GLIS3: variants seen among roughly 807,000 people sequenced by gnomAD.
GLIS3 encodes GLIS family zinc finger 3.
In GLIS3, 53 loss-of-function variants were observed where a neutral mutation model predicts 78.6. The ratio of observed to expected loss-of-function variants is 0.67; its 90% CI spans 0.54 to 0.85. GLIS3 has a LOEUF of 0.85. Ranked by LOEUF, GLIS3 falls within the 40% of genes least tolerant of loss-of-function variation. The pLI is 0.00. For synonymous variants in GLIS3, 684 were observed against 509.9 expected (o/e 1.34, Z -4.60); for missense variants, 1,703 against 1,231.1 (o/e 1.38, Z -5.74).
chr9:4,264,924 T>C lies in GLIS3; in HGVS notation c.388+21114A>G, dbSNP rs534749742. 2.0e-5 allele frequency among the ~76,000 whole-genome samples: 3 copies of C among 151,750 alleles called. No homozygotes were observed. In the South Asian group the frequency reaches 6.3e-4, roughly 32 times the overall value. On this transcript the variant is annotated intron_variant, in intron 2 of 10. Coordinates refer to ENST00000381971, the MANE Select transcript of GLIS3 (RefSeq NM_001042413.2). Reference sequence around the variant, plus strand: ...GCTCACGCCTGTAATCCCAGCACGGTGGGATGCCCAGGTGGGTGGATCACG... The same window carrying C: ...GCTCACGCCTGTAATCCCAGCACGGCGGGATGCCCAGGTGGGTGGATCACG...
At chr9:4,273,899 G>A (rs892688180) in intron 2 of GLIS3, among the ~76,000 whole-genome samples, 3 of 151,880 alleles carry the variant, frequency 2.0e-5, no homozygotes, top group Non-Finnish European at 2.9e-5. Context: ...GTCCCATTTC[G>A]TACCCTGCCC....
Position 3,824,854 on chromosome 9 carries a change from A to G in GLIS3, c.*3418T>C, listed in dbSNP as rs1817640662. ...ACAGGATACTTTGCTGTCTGTACAA[A>G]ATAAATCTCTTTTTACACTCACTAT... On this transcript the variant is annotated 3_prime_UTR_variant, in exon 11 of 11. Transcript: ENST00000381971. 1 of 152,406 alleles carries G rather than the reference A, an allele frequency of 6.6e-6. No homozygotes were observed. The highest frequency in any genetic ancestry group is 6.6e-5 in the Admixed American group (1 of 15,256). The allele number at this position is 152,406 out of a possible 1,614,324, so 9.4% of individuals were successfully genotyped here. A position where few individuals can be genotyped will look rare whatever the true frequency, so the allele number is the denominator to read the frequency against.
the GLIS3 span, among the ~76,000 whole-genome samples, chr9:4,366,126 G>T: frequency 2.0e-5 from 3 of 152,180 alleles, no homozygotes. Context: ...AGTGAGATAG[G>T]ACAGAGGATA....
intron 4 of GLIS3, among the ~76,000 whole-genome samples, chr9:3,979,883 T>C (rs1461003354): frequency 6.6e-6 from 1 of 152,204 alleles, no homozygotes; most frequent in African/African-American, 2.4e-5. Flanking sequence ...GTCACCACTC[T>C]CATGTGGCAT....
At chr9:3,894,606 C>T (rs78730335) in intron 7 of GLIS3, among the ~76,000 whole-genome samples, 112 of 152,056 alleles carry the variant, frequency 7.4e-4, no homozygotes, top group African/African-American at 2.7e-3. Flanking sequence ...GAAGCCGTCA[C>T]CTCCCAGTAA....
chr9:4,315,899 C>G (rs562781487), intron 2 of GLIS3, among the ~76,000 whole-genome samples: 6 of 152,148 alleles, frequency 3.9e-5, no homozygotes, highest in Admixed American at 3.9e-4. Flanking sequence ...GAGCAGATAT[C>G]TCGTATTACC....
the GLIS3 span, among the ~76,000 whole-genome samples, chr9:4,450,563 A>G: frequency 6.6e-5 from 10 of 152,162 alleles, no homozygotes; most frequent in African/African-American, 2.4e-4. Flanking sequence ...CACCAAGGTT[A>G]AAATGAAGGA....
At chr9:3,864,424 C>G (rs1588113545) in intron 8 of GLIS3, among the ~76,000 whole-genome samples, 1 of 152,170 alleles carries the variant, frequency 6.6e-6, no homozygotes, top group African/African-American at 2.4e-5. Flanking sequence ...AAAAAATGGA[C>G]TATCCAGTAT....
chr9:3,862,184 T>G (rs1304233700), intron 8 of GLIS3, among the ~76,000 whole-genome samples: 1 of 152,150 alleles, frequency 6.6e-6, no homozygotes, highest in African/African-American at 2.4e-5. Flanking sequence ...AATAATTTGC[T>G]TAAAGTCACA....
rs895787053 is a variant in GLIS3, at chr9:4,188,728, G to A, written c.389-62787C>T. Reference sequence around the variant, plus strand: ...CTTCTTCCTGGTTTAGTCATGGGAGGGTGTATGTGTCGAGGAATGTATCCA... The same window carrying A: ...CTTCTTCCTGGTTTAGTCATGGGAGAGTGTATGTGTCGAGGAATGTATCCA... On this transcript the variant is annotated intron_variant, in intron 2 of 10. Transcript: ENST00000381971. Among the ~76,000 whole-genome samples, 16 of 152,260 alleles carry A rather than the reference G, an allele frequency of 1.1e-4. No individual in the cohort carries two copies. In the East Asian group the frequency reaches 1.7e-3, roughly 17 times the overall value.
At chr9:4,405,969 T>C in the GLIS3 span, among the ~76,000 whole-genome samples, 68,851 of 152,102 alleles carry the variant, frequency 0.45, 15,806 homozygotes, top group South Asian at 0.59. Flanking sequence ...AAAATCCATA[T>C]GATCATTTCA....
chr9:3,870,472 G>A (rs567709217), intron 8 of GLIS3, among the ~76,000 whole-genome samples: 1 of 152,252 alleles, frequency 6.6e-6, no homozygotes, highest in African/African-American at 2.4e-5. Flanking sequence ...CTGAGACTGG[G>A]CAATTTACAA....
chr9:4,442,387 T>C, the GLIS3 span, among the ~76,000 whole-genome samples: 1 of 152,136 alleles, frequency 6.6e-6, no homozygotes, highest in Non-Finnish European at 1.5e-5. Context: ...TTTATCTTTT[T>C]GAAAGTTCTC....
intron 4 of GLIS3, among the ~76,000 whole-genome samples, chr9:4,088,759 T>G (rs114449081): frequency 0.012 from 1,848 of 152,358 alleles, 33 homozygotes; most frequent in African/African-American, 0.039. Context: ...TGCCTTTTAC[T>G]ATGACGGAAA....
chr9:3,900,201 AAGG>A (rs1012603373), intron 6 of GLIS3, among the ~76,000 whole-genome samples: 12 of 152,038 alleles, frequency 7.9e-5, no homozygotes, highest in South Asian at 6.2e-4. Context: ...AAAAAAAAAA[AAGG>A]AGAAACAGAA....
At chr9:4,192,064 C>G (rs1280840869) in intron 2 of GLIS3, among the ~76,000 whole-genome samples, 1 of 152,016 alleles carries the variant, frequency 6.6e-6, no homozygotes, top group Non-Finnish European at 1.5e-5. Context: ...AAAAGGAGTT[C>G]TTGTGATAAA....
the GLIS3 span, among the ~76,000 whole-genome samples, chr9:4,454,156 A>T: frequency 1.4e-5 from 2 of 142,420 alleles, no homozygotes; most frequent in African/African-American, 6.0e-5. Context: ...ATGATAAAAA[A>T]AAAAAAAAAA....
At chr9:4,100,860 C>T (rs1354285752) in intron 4 of GLIS3, among the ~76,000 whole-genome samples, 7 of 152,220 alleles carry the variant, frequency 4.6e-5, no homozygotes, top group Middle Eastern at 3.4e-3. Flanking sequence ...TGGAATTCTA[C>T]GTAATCTATG....
the GLIS3 span, among the ~76,000 whole-genome samples, chr9:4,407,524 G>A: frequency 6.6e-5 from 10 of 152,212 alleles, no homozygotes; most frequent in African/African-American, 2.2e-4. Flanking sequence ...GCGGGCGCCT[G>A]TAGTCCCAGC....
Sources: allele counts gnomAD v4.1 joint callset (sites outside exome capture counted in the v4.1 genomes callset), GRCh38; gene constraint gnomAD v4.1.1; transcripts MANE v1.5; gene names NCBI Gene and HGNC (gene_info 2026-07-23, HGNC 2026-07-21).